C17orf67: variants seen among roughly 807,000 people sequenced by gnomAD.
C17orf67 encodes chromosome 17 open reading frame 67, also known as uncharacterized protein C17orf67.
A neutral mutation model predicts 11.2 loss-of-function variants in C17orf67; 12 were observed. That is an observed-to-expected ratio of 1.07 (90% CI 0.68 to 1.73). The LOEUF (loss-of-function observed/expected upper bound fraction) is 1.73, where lower values mean the gene tolerates loss of function less well. Ranked by LOEUF, C17orf67 falls within the 40% of genes most tolerant of loss-of-function variation. The pLI is 0.00. For synonymous variants in C17orf67, 59 were observed against 46.9 expected (o/e 1.26, Z -1.05); for missense variants, 115 against 113.5 (o/e 1.01, Z -0.06).
intron 6 of C17orf67, chr17:56,803,701 T>A (rs568157956): frequency 6.6e-6 from 1 of 152,362 alleles, no homozygotes; most frequent in South Asian, 2.1e-4. Flanking sequence ...CTGCTCATTA[T>A]AACAGCCTAG....
intron 7 of C17orf67, among the ~76,000 whole-genome samples, 192 bp downstream of exon 7, chr17:56,794,852 G>GAGC (rs1555589541): frequency 6.6e-6 from 1 of 151,566 alleles, no homozygotes; most frequent in Non-Finnish European, 1.5e-5. Flanking sequence ...TCCCCCATTT[G>GAGC]TCCCCCAGTG....
At chr17:56,799,076 G>T (rs1476921544) in intron 6 of C17orf67, among the ~76,000 whole-genome samples, 1 of 152,160 alleles carries the variant, frequency 6.6e-6, no homozygotes, top group Non-Finnish European at 1.5e-5. Flanking sequence ...CCACCTCCAT[G>T]ACCCAAACAC....
rs181866378 is a variant in C17orf67, at chr17:56,796,483, T to C, written c.157-1303A>G. ...AAGGACCACACGGTGTATGATTCTG[T>C]TCATATGAAAGGTGGCCAGCCCCAT... On this transcript the variant is annotated intron_variant, in intron 6 of 7. Coordinates refer to ENST00000397861, the MANE Select transcript of C17orf67 (RefSeq NM_001085430.4). 1.9e-3 allele frequency among the ~76,000 whole-genome samples: 296 copies of C among 152,224 alleles called. 3 individuals carry two copies. The highest frequency in any genetic ancestry group is 1.7e-3 in the Non-Finnish European group (119 of 68,002).
At position 56,794,944 on chromosome 17, in the gene C17orf67, T is replaced by G. The variant is rs927091430; in HGVS notation, c.*20+100A>C. The G allele has an allele frequency of 2.5e-5, 19 of 762,538 alleles. 1 individual carries two copies. The South Asian group carries it at 3.2e-4, about 13-fold the overall frequency. The allele number at this position is 762,538 out of a possible 1,614,324, so 47.2% of individuals were successfully genotyped here. A position where few individuals can be genotyped will look rare whatever the true frequency, so the allele number is the denominator to read the frequency against. On this transcript the variant is annotated intron_variant, in intron 7 of 7. Transcript: ENST00000397861. ...CCAAACCCATAACCAGCTAACCAGCTGGCCCCCCTGAGGCATGGTCTGGAA... is the reference window on the plus strand; with the variant it reads ...CCAAACCCATAACCAGCTAACCAGCGGGCCCCCCTGAGGCATGGTCTGGAA...
intron 4 of C17orf67, among the ~76,000 whole-genome samples, chr17:56,817,982 T>C (rs1466991134): frequency 6.6e-6 from 1 of 151,912 alleles, no homozygotes; most frequent in African/African-American, 2.4e-5. Context: ...TAGCTGGGAC[T>C]ACACGCATGT....
At chr17:56,811,584 T>C (rs565651248) in intron 6 of C17orf67, among the ~76,000 whole-genome samples, 9 of 152,286 alleles carry the variant, frequency 5.9e-5, no homozygotes, top group Admixed American at 1.3e-4. Flanking sequence ...CAGTCCATTG[T>C]ACCAGATAAC....
intron 4 of C17orf67, among the ~76,000 whole-genome samples, chr17:56,818,992 CAGGT>C (rs542977282): frequency 7.2e-5 from 11 of 152,316 alleles, no homozygotes; most frequent in African/African-American, 2.6e-4. Context: ...ATCTGTTCTC[CAGGT>C]AGCAGCAAGG....
intron 6 of C17orf67, among the ~76,000 whole-genome samples, chr17:56,807,068 G>C (rs765634965): frequency 7.2e-5 from 11 of 152,338 alleles, no homozygotes; most frequent in Non-Finnish European, 1.6e-4. Context: ...AAATGACCAG[G>C]AAGAGGTCAG....
intron 2 of C17orf67, among the ~76,000 whole-genome samples, chr17:56,827,910 A>G (rs965733843): frequency 6.6e-6 from 1 of 152,194 alleles, no homozygotes; most frequent in African/African-American, 2.4e-5. Context: ...GCATCATTTA[A>G]AAATGTGGAT....
At chr17:56,824,255 G>A (rs1218749837) in intron 4 of C17orf67, among the ~76,000 whole-genome samples, 2 of 152,156 alleles carry the variant, frequency 1.3e-5, no homozygotes, top group Non-Finnish European at 2.9e-5. Context: ...CACTCTTGTG[G>A]TCTCTTTTGC....
chr17:56,827,759 G>A (rs950389967), intron 2 of C17orf67, among the ~76,000 whole-genome samples: 1 of 152,194 alleles, frequency 6.6e-6, no homozygotes, highest in Non-Finnish European at 1.5e-5. Flanking sequence ...GGAAGACACT[G>A]GTGTGTCCAC....
rs367927542 is a variant in C17orf67, at chr17:56,815,019, T to C, written c.56-50A>G. The C allele has an allele frequency of 7.4e-6, 11 of 1,486,824 alleles. No individual in the cohort carries two copies. The African/African-American group carries it at 1.1e-4, about 15-fold the overall frequency. 92.1% of individuals were successfully genotyped at this position (1,486,824 alleles called of 1,614,324 possible). A position where few individuals can be genotyped will look rare whatever the true frequency, so the allele number is the denominator to read the frequency against. ...AAGGACACTCAGGCTCAGGAGTTCA[T>C]GAGCCATCTCAACAGTCCAAGGCAA... On this transcript the variant is annotated intron_variant, in intron 5 of 7. Transcript: ENST00000397861.
intron 4 of C17orf67, among the ~76,000 whole-genome samples, chr17:56,822,812 C>T (rs1442087307): frequency 6.6e-6 from 1 of 152,224 alleles, no homozygotes; most frequent in Non-Finnish European, 1.5e-5. Flanking sequence ...TACATATCCT[C>T]AGCACTTCTA....
At chr17:56,796,451 T>G (rs3867599) in intron 6 of C17orf67, among the ~76,000 whole-genome samples, 20,659 of 152,216 alleles carry the variant, frequency 0.14, 1,464 homozygotes, top group South Asian at 0.16. Context: ...AGGACACTTA[T>G]GTCACAAAGG....
chr17:56,826,660 A>AT (rs1341426426), intron 2 of C17orf67, among the ~76,000 whole-genome samples: 2 of 152,254 alleles, frequency 1.3e-5, no homozygotes, highest in African/African-American at 4.8e-5. Flanking sequence ...GGAAATCAGA[A>AT]TCTGCATTTT....
intron 6 of C17orf67, among the ~76,000 whole-genome samples, chr17:56,810,416 C>G (rs565063303): frequency 8.7e-5 from 13 of 150,040 alleles, no homozygotes; most frequent in Admixed American, 8.6e-4. Context: ...CTCACACACA[C>G]CCCTCACACA....
intron 6 of C17orf67, among the ~76,000 whole-genome samples, chr17:56,799,185 A>G (rs1357734532): frequency 6.6e-6 from 1 of 152,222 alleles, no homozygotes; most frequent in East Asian, 1.9e-4. Flanking sequence ...CTACCATTGC[A>G]ATATCACACG....
chr17:56,799,973 C>G (rs1256341127), intron 6 of C17orf67, among the ~76,000 whole-genome samples: 3 of 103,000 alleles, frequency 2.9e-5, no homozygotes, highest in African/African-American at 1.1e-4. Context: ...ATATTACTTT[C>G]TTAAAGTCAT....
chr17:56,832,627 C>T (rs1204641770), intron 2 of C17orf67, among the ~76,000 whole-genome samples: 1 of 152,168 alleles, frequency 6.6e-6, no homozygotes, highest in Non-Finnish European at 1.5e-5. Context: ...CTTACACTGA[C>T]CCACCCTTCA....
Sources: allele counts gnomAD v4.1 joint callset (sites outside exome capture counted in the v4.1 genomes callset), GRCh38; gene constraint gnomAD v4.1.1; transcripts MANE v1.5; gene names NCBI Gene and HGNC (gene_info 2026-07-23, HGNC 2026-07-21).